Variants in SUDS3 observed in about 807,000 individuals in gnomAD.
SUDS3 encodes the protein sin3 histone deacetylase corepressor complex component SDS3.
Under a neutral mutation model 53.5 loss-of-function variants are expected in SUDS3, and 23 were observed. The observed-to-expected ratio is 0.43, with a 90% CI of 0.31 to 0.61. The LOEUF (loss-of-function observed/expected upper bound fraction) is 0.61, where lower values mean the gene tolerates loss of function less well. Ranked by LOEUF, SUDS3 falls within the 20% of genes least tolerant of loss-of-function variation. SUDS3 has a pLI of 0.10. For synonymous variants in SUDS3, 150 were observed against 148.5 expected (o/e 1.01, Z -0.08); for missense variants, 291 against 405.9 (o/e 0.72, Z 2.43).
intron 11 of SUDS3, among the ~76,000 whole-genome samples, chr12:118,413,422 C>T (rs139913575): frequency 3.9e-5 from 6 of 152,298 alleles, no homozygotes; most frequent in Admixed American, 6.5e-5. Flanking sequence ...GAATTCACGT[C>T]GTGATAAGTG....
In SUDS3 at chr12:118,391,117, T is replaced by C; in HGVS notation, c.361-9T>C. 6.2e-7 allele frequency: 1 copy of C among 1,612,040 alleles called. No homozygotes were observed. Among genetic ancestry groups the C allele is most frequent in the Non-Finnish European group, 8.5e-7 (1 of 1,179,388 alleles). On this transcript the variant is annotated splice_polypyrimidine_tract_variant and intron_variant, in intron 5 of 11. Transcript: ENST00000543473. ...GTGTACTCCCAGCCCGTGTTTCTCT[T>C]TTGCTCAGACTGAACAAGTGGAACG...
chr12:118,416,793 T>G lies in SUDS3; in HGVS notation c.*2360T>G, dbSNP rs4334055. On this transcript the variant is annotated 3_prime_UTR_variant, in exon 12 of 12. Transcript: ENST00000543473. ...AAAGGGGAAGACAGACTTTGAAGTTTCTAGACGAGAAGGAGGCTAGCTTCT... is the reference window on the plus strand; with the variant it reads ...AAAGGGGAAGACAGACTTTGAAGTTGCTAGACGAGAAGGAGGCTAGCTTCT... 127 of 152,320 alleles carry G rather than the reference T, an allele frequency of 8.3e-4. No individual in the cohort carries two copies. Among genetic ancestry groups the G allele is most frequent in the African/African-American group, 3.0e-3 (124 of 41,570 alleles). 9.4% of individuals were successfully genotyped at this position (152,320 alleles called of 1,614,324 possible). A position where few individuals can be genotyped will look rare whatever the true frequency, so the allele number is the denominator to read the frequency against.
rs1425432944 is a variant in SUDS3 at position 118,410,100 on chromosome 12, A to G, written c.804-973A>G. Among the ~76,000 whole-genome samples the G allele has an allele frequency of 2.6e-5, 4 of 152,240 alleles. No individual in the cohort carries two copies. The East Asian group carries it at 7.7e-4, about 29-fold the overall frequency. ...AGCTGTTACCAGGTGTGGTTATTTAATGTTCCTTATCCCCAGTGTATTTGA... is the reference window on the plus strand; with the variant it reads ...AGCTGTTACCAGGTGTGGTTATTTAGTGTTCCTTATCCCCAGTGTATTTGA... On this transcript the variant is annotated intron_variant, in intron 10 of 11. Coordinates refer to ENST00000543473, the MANE Select transcript of SUDS3 (RefSeq NM_022491.3).
chr12:118,400,622 G>A, intron 6 of SUDS3, 37 bp from the exon 7 acceptor site: 4 of 1,585,600 alleles, frequency 2.5e-6, no homozygotes, highest in Non-Finnish European at 2.6e-6. Flanking sequence ...CTTCAAGTGG[G>A]AGTTGGATAG....
At chr12:118,383,739 C>A (rs767556310) in intron 2 of SUDS3, among the ~76,000 whole-genome samples, 4 of 152,152 alleles carry the variant, frequency 2.6e-5, no homozygotes, top group Non-Finnish European at 4.4e-5. Context: ...GCTATCGTTG[C>A]AAGTTTTAGA....
chr12:118,391,299 G>A lies in SUDS3; in HGVS notation c.517+17G>A. 1.3e-6 allele frequency: 2 copies of A among 1,597,350 alleles called. No individual in the cohort carries two copies. Among genetic ancestry groups the A allele is most frequent in the Non-Finnish European group, 1.7e-6 (2 of 1,174,206 alleles). On this transcript the variant is annotated intron_variant, in intron 6 of 11. Transcript: ENST00000543473. ...TGACTGGAGGTAGGAAAGCCCTATGGGGTGGGATCTTGGGGGCCCTGAGCG... is the reference window on the plus strand; with the variant it reads ...TGACTGGAGGTAGGAAAGCCCTATGAGGTGGGATCTTGGGGGCCCTGAGCG...
intron 1 of SUDS3, among the ~76,000 whole-genome samples, chr12:118,377,989 G>C (rs1383019382): frequency 6.6e-6 from 1 of 152,228 alleles, no homozygotes; most frequent in Non-Finnish European, 1.5e-5. Context: ...GACATACAAA[G>C]TTGAGGGACT....
chr12:118,382,669 T>C lies in SUDS3; in HGVS notation c.213-1343T>C, dbSNP rs1275244677. On this transcript the variant is annotated intron_variant, in intron 2 of 11. Transcript: ENST00000543473. ...AGAATAAGCCAATGTGCCCAGCCTT[T>C]TTTTTTTTTTTTTTAAGAGACAGGG... 3.3e-3 allele frequency among the ~76,000 whole-genome samples: 379 copies of C among 114,806 alleles called. 2 individuals carry two copies. The highest frequency in any genetic ancestry group is 0.01 in the African/African-American group (369 of 36,078). The allele number at this position is 114,806 out of a possible 152,430, so 75.3% of individuals were successfully genotyped here.
Position 118,400,722 on chromosome 12 carries a change from C to T in SUDS3, c.581C>T (p.Pro194Leu). Residue 194 changes from proline (P) to leucine (L), a missense_variant, in exon 7 of 12, where the codon CCC (proline) becomes CTC (leucine). Around this residue, in one of 4 missense-constraint regions of SUDS3, gnomAD observed 55 missense variants for 124.2 expected, o/e 0.44. Coordinates refer to ENST00000543473, the MANE Select transcript of SUDS3 (RefSeq NM_022491.3). ...KLRRRPNDPVPIPDKRRKPAP... is the reference protein window; with the variant it reads ...KLRRRPNDPVLIPDKRRKPAP... ...CGGAGGCGACCAAATGATCCCGTCC[C>T]CATCCCAGACAAGAGGAGGAAACCT... 1 of 1,613,958 alleles carries T rather than the reference C, an allele frequency of 6.2e-7. No individual in the cohort carries two copies. The highest frequency in any genetic ancestry group is 8.5e-7 in the Non-Finnish European group (1 of 1,179,882).
chr12:118,388,586 AGTT>A (rs2046135627), intron 4 of SUDS3, among the ~76,000 whole-genome samples: 1 of 152,108 alleles, frequency 6.6e-6, no homozygotes. Context: ...GTGCTAACTA[AGTT>A]GTTGAGTGCT....
chr12:118,413,954 TC>T (rs1316371908), intron 11 of SUDS3, among the ~76,000 whole-genome samples: 2 of 152,232 alleles, frequency 1.3e-5, no homozygotes, highest in Non-Finnish European at 2.9e-5. Context: ...GGAAAATACT[TC>T]CAAATTTGAA....
intron 10 of SUDS3, among the ~76,000 whole-genome samples, chr12:118,406,251 G>A (rs907688754): frequency 6.6e-6 from 1 of 152,116 alleles, no homozygotes; most frequent in African/African-American, 2.4e-5. Flanking sequence ...AGTCAGAAAC[G>A]AAGCCACCCA....
chr12:118,380,508 T>C (rs2046046912), intron 2 of SUDS3, among the ~76,000 whole-genome samples: 1 of 152,230 alleles, frequency 6.6e-6, no homozygotes, highest in Non-Finnish European at 1.5e-5. Flanking sequence ...ACTTAATCTG[T>C]AGTAACCTTG....
intron 4 of SUDS3, among the ~76,000 whole-genome samples, chr12:118,388,146 C>T (rs893074022): frequency 2.0e-5 from 3 of 152,196 alleles, no homozygotes; most frequent in Non-Finnish European, 1.5e-5. Context: ...GTTGGGTGTG[C>T]CTGGGTTCCT....
intron 6 of SUDS3, among the ~76,000 whole-genome samples, chr12:118,398,879 A>C (rs1054016111): frequency 1.3e-5 from 2 of 152,102 alleles, no homozygotes; most frequent in Non-Finnish European, 2.9e-5. Flanking sequence ...TGACCTGTAC[A>C]CCGTGGCACT....
rs946262690 is a variant in SUDS3 at position 118,416,957 on chromosome 12, T to G, written c.*2524T>G. The G allele has an allele frequency of 4.6e-5, 7 of 152,202 alleles. No homozygotes were observed. The highest frequency in any genetic ancestry group is 1.7e-4 in the African/African-American group (7 of 41,434). 9.4% of individuals were successfully genotyped at this position (152,202 alleles called of 1,614,324 possible). On this transcript the variant is annotated 3_prime_UTR_variant, in exon 12 of 12. Transcript: ENST00000543473. ...GTCCAGACCATTTTGATCAAGAACC[T>G]GTATATGTGTTGTGTTAGAGGCATC... is the stretch of plus-strand genomic sequence containing the variant.
chr12:118,396,534 C>T (rs1254285591), intron 6 of SUDS3, among the ~76,000 whole-genome samples: 6 of 152,200 alleles, frequency 3.9e-5, no homozygotes, highest in African/African-American at 9.7e-5. Flanking sequence ...GCATTACAGG[C>T]GTCAGCCATT....
rs1014374128 is a variant in SUDS3, at chr12:118,417,937, G to A, written c.*3504G>A. 2 of 152,178 alleles carry A rather than the reference G, an allele frequency of 1.3e-5. No homozygotes were observed. The highest frequency in any genetic ancestry group is 4.8e-5 in the African/African-American group (2 of 41,448). The allele number at this position is 152,178 out of a possible 1,614,324, so 9.4% of individuals were successfully genotyped here. A position where few individuals can be genotyped will look rare whatever the true frequency, so the allele number is the denominator to read the frequency against. The stretch of plus-strand genomic sequence containing the variant: ...GGGGTGTTGACCCTTAAATGTTTGT[G>A]CACTCTTCTTGTTGCAGATAAAAGT... On this transcript the variant is annotated 3_prime_UTR_variant, in exon 12 of 12. Coordinates refer to ENST00000543473, the MANE Select transcript of SUDS3 (RefSeq NM_022491.3).
chr12:118,394,326 G>A (rs1347648010), intron 6 of SUDS3, among the ~76,000 whole-genome samples: 1 of 152,134 alleles, frequency 6.6e-6, no homozygotes, highest in Non-Finnish European at 1.5e-5. Flanking sequence ...CTGAGTTCCC[G>A]CAGCTCCCTT....
Sources: allele counts gnomAD v4.1 joint callset (sites outside exome capture counted in the v4.1 genomes callset), GRCh38; gene constraint gnomAD v4.1.1; regional missense constraint gnomAD v4.1.1; transcripts MANE v1.5; gene names NCBI Gene and HGNC (gene_info 2026-07-23, HGNC 2026-07-21).